The following GLYATL2 variants were observed in gnomAD, a reference collection of about 807,000 sequenced individuals.
GLYATL2 encodes the protein glycine-N-acyltransferase like 2, also known as glycine N-acyltransferase-like protein 2.
A neutral mutation model predicts 21.4 loss-of-function variants in GLYATL2; 25 were observed. The ratio of observed to expected loss-of-function variants is 1.17; its 90% CI spans 0.85 to 1.63. The LOEUF is 1.63. Ranked by LOEUF, GLYATL2 falls within the 40% of genes most tolerant of loss-of-function variation. The pLI is 0.00. For synonymous variants in GLYATL2, 114 were observed against 118.2 expected (o/e 0.96, Z 0.23); for missense variants, 361 against 343.3 (o/e 1.05, Z -0.41).
At chr11:58,851,634 G>A (rs916579982) in intron 1 of GLYATL2, among the ~76,000 whole-genome samples, 14 of 152,102 alleles carry the variant, frequency 9.2e-5, no homozygotes, top group African/African-American at 2.4e-4. Flanking sequence ...ATAATATTTG[G>A]ACACTGCCAG....
chr11:58,884,097 C>T (rs958492046), intron 1 of GLYATL2, among the ~76,000 whole-genome samples: 4 of 152,164 alleles, frequency 2.6e-5, no homozygotes, highest in Admixed American at 1.3e-4. Flanking sequence ...GACAAACCCA[C>T]GGCCACTATC....
At chr11:58,840,508 C>T (rs892104683) in intron 1 of GLYATL2, among the ~76,000 whole-genome samples, 1 of 152,010 alleles carries the variant, frequency 6.6e-6, no homozygotes, top group Non-Finnish European at 1.5e-5. Context: ...GTCTGTGTTA[C>T]AAAGTCAGGA....
At chr11:58,886,666 G>A (rs991398521) in intron 1 of GLYATL2, among the ~76,000 whole-genome samples, 8 of 152,170 alleles carry the variant, frequency 5.3e-5, no homozygotes, top group African/African-American at 1.9e-4. Context: ...AGGAATACAT[G>A]ATTAAGCTGA....
At chr11:58,884,695 G>A (rs1854404816) in intron 1 of GLYATL2, among the ~76,000 whole-genome samples, 1 of 152,110 alleles carries the variant, frequency 6.6e-6, no homozygotes, top group Admixed American at 6.5e-5. Context: ...GGGGTTTGGA[G>A]CCATTCATAT....
chr11:58,894,593 A>G (rs1854604672), intron 1 of GLYATL2, among the ~76,000 whole-genome samples: 1 of 152,098 alleles, frequency 6.6e-6, no homozygotes, highest in Non-Finnish European at 1.5e-5. Flanking sequence ...ACCAACACCT[A>G]TCCTCATCTC....
At chr11:58,868,660 TG>T (rs1854059909) in intron 1 of GLYATL2, among the ~76,000 whole-genome samples, 2 of 149,188 alleles carry the variant, frequency 1.3e-5, no homozygotes, top group South Asian at 4.3e-4. Flanking sequence ...CACTTTGGCT[TG>T]GCGGCCATGG....
chr11:58,854,243 G>A (rs1159677792), intron 1 of GLYATL2, among the ~76,000 whole-genome samples: 1 of 152,098 alleles, frequency 6.6e-6, no homozygotes, highest in Non-Finnish European at 1.5e-5. Flanking sequence ...CTTGGCTATT[G>A]TGAATAATTC....
intron 1 of GLYATL2, among the ~76,000 whole-genome samples, chr11:58,874,529 C>T (rs762720128): frequency 1.3e-5 from 2 of 152,156 alleles, no homozygotes; most frequent in Non-Finnish European, 2.9e-5. Flanking sequence ...TTTATTTCTG[C>T]CTTCATTTCG....
chr11:58,841,376 G>A (rs1348434843), intron 1 of GLYATL2, among the ~76,000 whole-genome samples: 1 of 151,634 alleles, frequency 6.6e-6, no homozygotes, highest in Non-Finnish European at 1.5e-5. Context: ...TTGAGTCTCT[G>A]CCTCAGTTGC....
At chr11:58,842,678 C>T (rs1330244732) in intron 1 of GLYATL2, among the ~76,000 whole-genome samples, 1 of 151,978 alleles carries the variant, frequency 6.6e-6, no homozygotes, top group African/African-American at 2.4e-5. Context: ...CATAATAAAA[C>T]AAAAATTCAT....
At chr11:58,862,602 A>G (rs1408335909) in intron 1 of GLYATL2, among the ~76,000 whole-genome samples, 2 of 152,172 alleles carry the variant, frequency 1.3e-5, no homozygotes, top group Non-Finnish European at 2.9e-5. Flanking sequence ...AAAGAACTCT[A>G]TGAAATTTTC....
chr11:58,850,528 A>G (rs527910733), intron 1 of GLYATL2, among the ~76,000 whole-genome samples: 18 of 152,294 alleles, frequency 1.2e-4, no homozygotes, highest in African/African-American at 4.3e-4. Context: ...AGGAAAAACC[A>G]GGCCATACAG....
chr11:58,838,199 A>G (rs1853474149), intron 3 of GLYATL2, 62 bp downstream of exon 3: 2 of 1,075,318 alleles, frequency 1.9e-6, no homozygotes, highest in Non-Finnish European at 2.8e-6. Flanking sequence ...CAGTTCCCTC[A>G]TTGCCATGCA....
chr11:58,845,284 T>G (rs1003127016), upstream of GLYATL2, among the ~76,000 whole-genome samples: 1 of 152,130 alleles, frequency 6.6e-6, no homozygotes, highest in African/African-American at 2.4e-5. Context: ...ACATTGAGAT[T>G]AAAACATGGG....
chr11:58,897,782 T>G (rs184169819), intron 1 of GLYATL2, among the ~76,000 whole-genome samples: 155 of 152,332 alleles, frequency 1.0e-3, no homozygotes, highest in Middle Eastern at 3.4e-3. Context: ...AGATCAGCAC[T>G]CTTCTTATTA....
At chr11:58,902,962 G>T (rs1854765016) in intron 1 of GLYATL2, among the ~76,000 whole-genome samples, 1 of 152,178 alleles carries the variant, frequency 6.6e-6, no homozygotes, top group Admixed American at 6.5e-5. Context: ...GACCATAGCT[G>T]CAAAAGGAAA....
At chr11:58,862,043 A>C (rs1219415966) in intron 1 of GLYATL2, among the ~76,000 whole-genome samples, 2 of 19,846 alleles carry the variant, frequency 1.0e-4, no homozygotes, top group South Asian at 9.9e-3. Flanking sequence ...CATTATTTGC[A>C]AAAACAAACA....
chr11:58,892,408 C>CCATT (rs1449491970), intron 1 of GLYATL2: 2 of 153,432 alleles, frequency 1.3e-5, no homozygotes, highest in Non-Finnish European at 2.9e-5. Context: ...CCATTAGCAT[C>CCATT]CATTCATTCA....
intron 2 of GLYATL2, 23 bp from the exon 3 acceptor site, chr11:58,838,391 A>G: frequency 6.9e-7 from 1 of 1,454,506 alleles, no homozygotes; most frequent in Admixed American, 1.7e-5. Flanking sequence ...AGAACAAAGC[A>G]GGAGAGGATG....
Sources: allele counts gnomAD v4.1 joint callset (sites outside exome capture counted in the v4.1 genomes callset), GRCh38; gene constraint gnomAD v4.1.1; transcripts MANE v1.5; gene names NCBI Gene and HGNC (gene_info 2026-07-23, HGNC 2026-07-21).